Variants in SNTB1 observed in about 807,000 individuals in gnomAD.
SNTB1 encodes the protein beta-1-syntrophin.
A neutral mutation model predicts 48.9 loss-of-function variants in SNTB1; 36 were observed. That is an observed-to-expected ratio of 0.74 (90% confidence interval 0.56 to 0.97). SNTB1 has a LOEUF of 0.97. Among genes scored for constraint, SNTB1 ranks in the 50% least tolerant of loss-of-function variants. The probability of loss-of-function intolerance (pLI) is 0.00; values close to 1 mark genes in which losing one functional copy is unlikely to be tolerated. For synonymous variants in SNTB1, 299 were observed against 294.6 expected, an observed-to-expected ratio of 1.01 and a Z score of -0.15; for missense variants, 786 against 703.4, an observed-to-expected ratio of 1.12 and a Z score of -1.33.
At chr8:120,772,933 A>G (rs1819665095) in intron 1 of SNTB1, among the ~76,000 whole-genome samples, 1 of 152,224 alleles carries the variant, frequency 6.6e-6, no homozygotes, top group African/African-American at 2.4e-5. Context: ...CCCCACAACA[A>G]GTGTGCTACT....
intron 3 of SNTB1, among the ~76,000 whole-genome samples, chr8:120,612,927 A>G (rs555088505): frequency 5.9e-5 from 9 of 152,288 alleles, no homozygotes; most frequent in African/African-American, 2.2e-4. Context: ...TCTTCTAGCT[A>G]TTTTGAAATA....
rs1164263344 is a variant in SNTB1, at chr8:120,693,886, C to T, written c.594G>A (p.Thr198=). The T allele has an allele frequency of 6.2e-6, 10 of 1,613,810 alleles. No homozygotes were observed. Among genetic ancestry groups the T allele is most frequent in the Non-Finnish European group, 8.5e-6 (10 of 1,179,912 alleles). ...LLEVKYMREA[T]PYVKKGSPVS... is the part of the protein sequence containing the mutation. ...CTGGGGATCCTTTCTTCACATAGGG[C>T]GTGGCTTCTCGCATGTACTTCACTG... The change falls in exon 2 of 7, where the codon ACG becomes ACA. Residue 198 remains threonine (T), a synonymous_variant. Coordinates refer to ENST00000517992, the MANE Select transcript of SNTB1 (RefSeq NM_021021.4).
intron 4 of SNTB1, among the ~76,000 whole-genome samples, chr8:120,573,813 C>T (rs1362394286): frequency 2.0e-5 from 3 of 152,160 alleles, no homozygotes; most frequent in Non-Finnish European, 4.4e-5. Flanking sequence ...GTATTCTTGG[C>T]ACCCTTGTCA....
intron 2 of SNTB1, among the ~76,000 whole-genome samples, chr8:120,683,228 A>C (rs536152733): frequency 4.9e-4 from 75 of 152,278 alleles, no homozygotes; most frequent in Middle Eastern, 3.4e-3. Context: ...TCTTATGTTA[A>C]ATTACACTTG....
chr8:120,653,845 C>T (rs562144647), intron 2 of SNTB1, among the ~76,000 whole-genome samples: 8 of 151,746 alleles, frequency 5.3e-5, no homozygotes, highest in Admixed American at 3.3e-4. Flanking sequence ...CGAGACCATC[C>T]TGGCTAACAC....
chr8:120,711,893 T>A (rs1818469226), intron 1 of SNTB1, among the ~76,000 whole-genome samples: 1 of 152,186 alleles, frequency 6.6e-6, no homozygotes, highest in African/African-American at 2.4e-5. Flanking sequence ...CTTTTTTAAA[T>A]CCTTAGTAAT....
At chr8:120,739,305 G>T (rs947941833) in intron 1 of SNTB1, among the ~76,000 whole-genome samples, 1 of 152,182 alleles carries the variant, frequency 6.6e-6, no homozygotes, top group African/African-American at 2.4e-5. Flanking sequence ...GCCCAGTAGG[G>T]TTGTGAAGTT....
intron 1 of SNTB1, among the ~76,000 whole-genome samples, chr8:120,781,436 T>A (rs1587158119): frequency 6.6e-6 from 1 of 152,278 alleles, no homozygotes; most frequent in South Asian, 2.1e-4. Flanking sequence ...AAAAGAACCA[T>A]GAAAACTATT....
chr8:120,811,832 C>A lies in SNTB1; in HGVS notation c.12G>T (p.Ala4=). The A allele has an allele frequency of 7.4e-7, 1 of 1,347,754 alleles. No individual in the cohort carries two copies. The highest frequency in any genetic ancestry group is 9.5e-7 in the Non-Finnish European group (1 of 1,053,460). 83.5% of individuals were successfully genotyped at this position (1,347,754 alleles called of 1,614,324 possible). A position where few individuals can be genotyped will look rare whatever the true frequency, so the allele number is the denominator to read the frequency against. Residue 4 remains alanine, a synonymous_variant, in exon 1 of 7, where the codon GCG becomes GCT. Coordinates refer to ENST00000517992, the MANE Select transcript of SNTB1 (RefSeq NM_021021.4). ...CCGGCCCAGCCGCCGCCGCCGCCGC[C>A]GCTACCGCCATCTTTCCGGCATTCT... MAV[A]AAAAAAGPAG...
At chr8:120,584,457 AAAAAG>A (rs1230705059) in intron 3 of SNTB1, among the ~76,000 whole-genome samples, 268 of 150,824 alleles carry the variant, frequency 1.8e-3, no homozygotes, top group African/African-American at 6.2e-3. Context: ...AAAAAAAAAA[AAAAAG>A]TGTAGTAATT....
At chr8:120,741,668 AC>A (rs1819042854) in intron 1 of SNTB1, among the ~76,000 whole-genome samples, 2 of 152,136 alleles carry the variant, frequency 1.3e-5, no homozygotes, top group Non-Finnish European at 2.9e-5. Context: ...ATGGTATTTT[AC>A]CCCCTCCTAA....
intron 3 of SNTB1, among the ~76,000 whole-genome samples, chr8:120,622,676 C>G (rs928601332): frequency 6.6e-5 from 10 of 151,736 alleles, no homozygotes. Flanking sequence ...GTGGCTATAA[C>G]CTTCAACATG....
intron 3 of SNTB1, among the ~76,000 whole-genome samples, chr8:120,593,196 G>A (rs528770668): frequency 2.0e-5 from 3 of 152,196 alleles, no homozygotes; most frequent in South Asian, 2.1e-4. Flanking sequence ...AAGTTTAATC[G>A]TGGTGCCAGG....
intron 4 of SNTB1, among the ~76,000 whole-genome samples, chr8:120,572,744 AAAAC>A (rs71306896): frequency 6.6e-6 from 1 of 150,994 alleles, no homozygotes; most frequent in Non-Finnish European, 1.5e-5. Context: ...CAAAACGAAC[AAAAC>A]AAACAAACAA....
At chr8:120,697,047 A>G (rs930480210) in intron 1 of SNTB1, among the ~76,000 whole-genome samples, 3 of 152,230 alleles carry the variant, frequency 2.0e-5, no homozygotes, top group Non-Finnish European at 2.9e-5. Flanking sequence ...TTCCAGGGCC[A>G]TAGGGGTTAA....
Position 120,742,152 on chromosome 8 carries a change from T to C in SNTB1, c.572-48244A>G, listed in dbSNP as rs377005642. Among the ~76,000 whole-genome samples the C allele has an allele frequency of 4.8e-4, 73 of 152,248 alleles. No homozygotes were observed. In the East Asian group the frequency reaches 0.013, roughly 28 times the overall value. ...AAACAGGAGAACAGAAGCAAAGACA[T>C]TCAACTTAAAAAGAAAAATCAATTC... On this transcript the variant is annotated intron_variant, in intron 1 of 6. Coordinates refer to ENST00000517992, the MANE Select transcript of SNTB1 (RefSeq NM_021021.4).
intron 3 of SNTB1, among the ~76,000 whole-genome samples, chr8:120,623,837 C>T (rs1263634344): frequency 6.6e-6 from 1 of 152,204 alleles, no homozygotes; most frequent in Non-Finnish European, 1.5e-5. Context: ...ATCCACAATG[C>T]CCAATAAGAT....
At chr8:120,663,596 T>A (rs58568610) in intron 2 of SNTB1, among the ~76,000 whole-genome samples, 3,192 of 152,172 alleles carry the variant, frequency 0.021, 111 homozygotes, top group African/African-American at 0.072. Flanking sequence ...CATGAGCCAC[T>A]GCACCCGGCC....
intron 1 of SNTB1, among the ~76,000 whole-genome samples, chr8:120,717,200 C>A (rs944611343): frequency 6.6e-6 from 1 of 152,194 alleles, no homozygotes; most frequent in African/African-American, 2.4e-5. Flanking sequence ...GATCCTCAGG[C>A]CACTACGGAC....
Sources: gnomAD v4.1 joint callset for allele counts (sites outside exome capture counted in the v4.1 genomes callset) on GRCh38, gnomAD v4.1.1 for gene constraint, MANE v1.5 for transcripts, NCBI Gene and HGNC (gene_info 2026-07-23, HGNC 2026-07-21) for gene names.